SLC38A8: variants seen among roughly 807,000 people sequenced by gnomAD.
The protein encoded by SLC38A8 is solute carrier family 38 member 8, also known as amino acid transporter SLC38A8.
Under a neutral mutation model 46.0 loss-of-function variants are expected in SLC38A8, and 65 were observed. The ratio of observed to expected loss-of-function variants is 1.41; its 90% CI spans 1.16 to 1.74. The LOEUF is 1.74. Ranked by LOEUF, SLC38A8 falls within the 40% of genes most tolerant of loss-of-function variation. The probability of loss-of-function intolerance (pLI) is 0.00; values close to 1 mark genes in which losing one functional copy is unlikely to be tolerated. For missense variants in SLC38A8, 998 were observed against 567.9 expected, an observed-to-expected ratio of 1.76 and a Z score of -7.70; for synonymous variants, 447 against 243.7, an observed-to-expected ratio of 1.83 and a Z score of -7.77.
intron 8 of SLC38A8, 141 bp downstream of exon 8, chr16:84,016,999 C>T (rs2085035613): frequency 1.6e-6 from 2 of 1,253,832 alleles, no homozygotes; most frequent in Non-Finnish European, 2.2e-6. Flanking sequence ...CTACCTAAAT[C>T]CTCTGTGCCT....
rs754758695 is a variant in SLC38A8, at chr16:84,016,483, C to T, written c.1162+36G>A. On this transcript the variant is annotated intron_variant, in intron 9 of 10. Coordinates refer to ENST00000299709, the MANE Select transcript of SLC38A8 (RefSeq NM_001080442.3). ...CCCCACAGAGATGAGCAGGGAAGAA[C>T]AAGTGGGCAGAAAGCCTGGAAAGCA... 1.1e-5 allele frequency: 17 copies of T among 1,605,440 alleles called. No individual in the cohort carries two copies. In the African/African-American group the frequency reaches 2.3e-4, roughly 21 times the overall value.
chr16:84,032,529 T>G (rs1168063919), intron 4 of SLC38A8, among the ~76,000 whole-genome samples: 1 of 152,148 alleles, frequency 6.6e-6, no homozygotes. Context: ...GGATGGCAGC[T>G]GTAATAGTGT....
intron 7 of SLC38A8, among the ~76,000 whole-genome samples, chr16:84,021,581 G>C (rs1440984511): frequency 1.3e-5 from 2 of 152,116 alleles, no homozygotes; most frequent in Admixed American, 1.3e-4. Context: ...CCCTAGTCTT[G>C]TCTCTAAGCC....
In SLC38A8 at chr16:84,036,848, G is replaced by A. The variant is rs750503757; in HGVS notation, c.242C>T (p.Ala81Val). The A allele has an allele frequency of 2.5e-6, 4 of 1,613,602 alleles. No individual in the cohort carries two copies. Among genetic ancestry groups the A allele is most frequent in the Admixed American group, 3.3e-5 (2 of 60,004 alleles). Reference sequence around the variant, plus strand: ...CTGGTAGGTGGCCTGGCCACTGACAGCAGCAGCATAGCCCAGGATGACCAG... The same window carrying A: ...CTGGTAGGTGGCCTGGCCACTGACAACAGCAGCATAGCCCAGGATGACCAG... ...SGLVILGYAA[A>V]VSGQATYQGV... Residue 81 changes from alanine (A) to valine (V), a missense_variant, in exon 3 of 11, where the codon GCT becomes GTT. Coordinates refer to ENST00000299709, the MANE Select transcript of SLC38A8 (RefSeq NM_001080442.3).
intron 1 of SLC38A8, 126 bp from the exon 2 acceptor site, chr16:84,042,285 G>C (rs188328304): frequency 3.9e-6 from 4 of 1,021,120 alleles, no homozygotes; most frequent in Non-Finnish European, 5.5e-6. Context: ...CGCTTCCTTG[G>C]CGTCAGCTCC....
At chr16:84,032,425 G>C (rs996239999) in intron 4 of SLC38A8, among the ~76,000 whole-genome samples, 1 of 152,214 alleles carries the variant, frequency 6.6e-6, no homozygotes, top group African/African-American at 2.4e-5. Context: ...CTGACCTCGT[G>C]ATCTGCCTGC....
In SLC38A8 at chr16:84,033,372, C is replaced by T; in HGVS notation, c.486G>A (p.Leu162=). 1 of 1,614,036 alleles carries T rather than the reference C, an allele frequency of 6.2e-7. No homozygotes were observed. ...CGATCTCCCGCGGGGCAGACAGGGGCAGGATGACCAGCACGGAGAGCAGGG... is the reference window on the plus strand; with the variant it reads ...CGATCTCCCGCGGGGCAGACAGGGGTAGGATGACCAGCACGGAGAGCAGGG... ...TLPLLSVLVI[L]PLSAPREIAF... is the part of the protein sequence containing the mutation. Residue 162 remains leucine (L), a synonymous_variant, in exon 4 of 11, where the codon CTG becomes CTA. Coordinates refer to ENST00000299709, the MANE Select transcript of SLC38A8 (RefSeq NM_001080442.3).
chr16:84,028,919 C>A (rs773117820), intron 6 of SLC38A8, among the ~76,000 whole-genome samples: 1 of 152,170 alleles, frequency 6.6e-6, no homozygotes, highest in Non-Finnish European at 1.5e-5. Context: ...CTCTGCCCCT[C>A]TGCCAGGATT....
intron 9 of SLC38A8, among the ~76,000 whole-genome samples, chr16:84,016,289 G>C (rs1381292641): frequency 6.6e-6 from 1 of 152,226 alleles, no homozygotes; most frequent in Non-Finnish European, 1.5e-5. Flanking sequence ...ATTTGGGTGT[G>C]AACACAACCA....
intron 4 of SLC38A8, among the ~76,000 whole-genome samples, chr16:84,032,183 GTTT>G (rs1555555487): frequency 7.9e-5 from 1 of 12,650 alleles, no homozygotes; most frequent in East Asian, 3.8e-3. Context: ...TGTTGTTGTT[GTTT>G]TGTTGTTGTT....
At chr16:84,017,861 CCTTT>C (rs1438547681) in intron 7 of SLC38A8, among the ~76,000 whole-genome samples, 1 of 152,068 alleles carries the variant, frequency 6.6e-6, no homozygotes, top group Non-Finnish European at 1.5e-5. Context: ...CTCTGCAAGC[CCTTT>C]CTGAGAGGTC....
rs1876961 is a variant in SLC38A8, at chr16:84,036,908, G to A, written c.190-8C>T. The A allele has an allele frequency of 9.0e-3, 14,529 of 1,606,100 alleles. 99 individuals are homozygous for A. Among genetic ancestry groups the A allele is most frequent in the Middle Eastern group, 0.019 (87 of 4,532 alleles). ...CAGGAAGACCAACGAGACCTGCGGA[G>A]AAGGAGCAGGACCTGGAACTGGGGT... On this transcript the variant is annotated splice_polypyrimidine_tract_variant and splice_region_variant and intron_variant, in intron 2 of 10. Transcript: ENST00000299709.
rs540901080 is a variant in SLC38A8 at position 84,009,713 on chromosome 16, C to G, written c.*71G>C. ...TGAGGAAAAGAAATGGCATCGGTCT[C>G]CTGGCTGCATACAGCAGCCACGTAG... On this transcript the variant is annotated 3_prime_UTR_variant, in exon 11 of 11. Transcript: ENST00000299709. 1 of 1,333,790 alleles carries G rather than the reference C, an allele frequency of 7.5e-7. No individual in the cohort carries two copies. Among genetic ancestry groups the G allele is most frequent in the Non-Finnish European group, 1.0e-6 (1 of 959,080 alleles). The allele number at this position is 1,333,790 out of a possible 1,614,324, so 82.6% of individuals were successfully genotyped here.
chr16:84,036,157 A>C (rs991735538), intron 3 of SLC38A8, among the ~76,000 whole-genome samples: 6 of 152,394 alleles, frequency 3.9e-5, no homozygotes, highest in Middle Eastern at 3.4e-3. Flanking sequence ...ATTGTCAATT[A>C]AACACTACAA....
intron 4 of SLC38A8, among the ~76,000 whole-genome samples, chr16:84,032,328 A>C (rs1806488): frequency 0.29 from 43,504 of 152,014 alleles, 6,610 homozygotes; most frequent in Middle Eastern, 0.42. Context: ...AGCTGGGATT[A>C]CAGGTGTCCG....
chr16:84,015,642 T>C (rs79682598), intron 9 of SLC38A8, among the ~76,000 whole-genome samples: 2,315 of 152,160 alleles, frequency 0.015, 28 homozygotes, highest in South Asian at 0.056. Context: ...ACGTCAAGAA[T>C]GTCCATCAGG....
intron 7 of SLC38A8, among the ~76,000 whole-genome samples, chr16:84,021,583 C>A (rs1302318131): frequency 6.6e-6 from 1 of 152,302 alleles, no homozygotes; most frequent in African/African-American, 2.4e-5. Context: ...CTAGTCTTGT[C>A]TCTAAGCCCT....
Position 84,033,406 on chromosome 16 carries a change from A to C in SLC38A8, c.452T>G (p.Phe151Cys). 1 of 1,613,890 alleles carries C rather than the reference A, an allele frequency of 6.2e-7. No homozygotes were observed. Among genetic ancestry groups the C allele is most frequent in the Non-Finnish European group, 8.5e-7 (1 of 1,179,914 alleles). ...APQPWYADQRFTLPLLSVLVI... is the reference protein window; with the variant it reads ...APQPWYADQRCTLPLLSVLVI... ...CAGCACGGAGAGCAGGGGCAGGGTG[A>C]AGCGCTGGTCTGCGTACCACGGCTG... The change falls in exon 4 of 11, where the codon TTC becomes TGC. Residue 151 changes from phenylalanine (F) to cysteine (C), a missense_variant. Phe to Cys is a radical substitution (Grantham distance 205). Transcript: ENST00000299709.
intron 6 of SLC38A8, among the ~76,000 whole-genome samples, chr16:84,024,195 G>A (rs999592571): frequency 6.6e-6 from 1 of 152,186 alleles, no homozygotes; most frequent in African/African-American, 2.4e-5. Context: ...CCCACTCTGT[G>A]GTGCTAGAAG....
Sources: gnomAD v4.1 joint callset for allele counts (sites outside exome capture counted in the v4.1 genomes callset) on GRCh38, gnomAD v4.1.1 for gene constraint, MANE v1.5 for transcripts, NCBI Gene and HGNC (gene_info 2026-07-23, HGNC 2026-07-21) for gene names.